TLE4: variants seen among roughly 807,000 people sequenced by gnomAD.
The protein encoded by TLE4 is TLE family member 4, transcriptional corepressor.
In TLE4, 8 loss-of-function variants were observed where a neutral mutation model predicts 92.8. The observed-to-expected ratio is 0.09, with a 90% CI of 0.05 to 0.16. TLE4 has a LOEUF of 0.16. Ranked by LOEUF, TLE4 falls within the 10% of genes least tolerant of loss-of-function variation. TLE4 has a pLI of 1.00. For missense variants in TLE4, 675 were observed against 997.6 expected, an observed-to-expected ratio of 0.68 and a Z score of 4.36; for synonymous variants, 371 against 374.1, an observed-to-expected ratio of 0.99 and a Z score of 0.10.
intron 14 of TLE4, among the ~76,000 whole-genome samples, chr9:79,715,103 G>A (rs2074228949): frequency 6.6e-6 from 1 of 152,180 alleles, no homozygotes; most frequent in Non-Finnish European, 1.5e-5. Context: ...GGTGCTCACA[G>A]AGTGGTTGTT....
chr9:79,621,729 G>C (rs1434158129), intron 5 of TLE4, among the ~76,000 whole-genome samples: 1 of 152,132 alleles, frequency 6.6e-6, no homozygotes, highest in African/African-American at 2.4e-5. Context: ...GATAGGGAGA[G>C]TCTTTTGTTG....
At chr9:79,638,310 T>C (rs1236919822) in intron 6 of TLE4, among the ~76,000 whole-genome samples, 2 of 152,194 alleles carry the variant, frequency 1.3e-5, no homozygotes, top group Non-Finnish European at 2.9e-5. Flanking sequence ...TGATAAGCTC[T>C]ATACTTCTCT....
intron 15 of TLE4, 117 bp from the exon 16 acceptor site, chr9:79,719,929 G>A: frequency 7.6e-7 from 1 of 1,322,420 alleles, no homozygotes; most frequent in South Asian, 1.5e-5. Flanking sequence ...ATTGTCATAA[G>A]TATAAACGGC....
intron 6 of TLE4, among the ~76,000 whole-genome samples, chr9:79,633,572 T>G (rs1488403585): frequency 6.6e-6 from 1 of 151,952 alleles, no homozygotes; most frequent in East Asian, 1.9e-4. Context: ...TCCACAGAGC[T>G]CGGCAGGCTG....
intron 8 of TLE4, among the ~76,000 whole-genome samples, chr9:79,663,160 G>A (rs1453154610): frequency 3.9e-5 from 6 of 152,126 alleles, no homozygotes; most frequent in Non-Finnish European, 7.3e-5. Flanking sequence ...TAGCGGCAAC[G>A]GCAATCATGA....
At chr9:79,610,573 A>G (rs1282458238) in intron 4 of TLE4, among the ~76,000 whole-genome samples, 1 of 152,040 alleles carries the variant, frequency 6.6e-6, no homozygotes, top group African/African-American at 2.4e-5. Flanking sequence ...TAGCCTGACC[A>G]TGAAAATCCA....
intron 8 of TLE4, chr9:79,671,190 AC>A: frequency 8.8e-6 from 4 of 452,218 alleles, no homozygotes; most frequent in South Asian, 6.2e-5. Flanking sequence ...TGAGAATGTG[AC>A]TTTTATGTAT....
chr9:79,583,490 T>C (rs1444942281), intron 4 of TLE4, among the ~76,000 whole-genome samples: 1 of 152,184 alleles, frequency 6.6e-6, no homozygotes, highest in Non-Finnish European at 1.5e-5. Flanking sequence ...CAATACTCTA[T>C]CCCCAACCTG....
chr9:79,601,360 C>G, intron 4 of TLE4: 1 of 456,608 alleles, frequency 2.2e-6, no homozygotes, highest in Middle Eastern at 3.3e-4. Context: ...TATTAATGTG[C>G]TTTAGCTACA....
chr9:79,599,687 T>G (rs569104812), intron 4 of TLE4, among the ~76,000 whole-genome samples: 36 of 152,376 alleles, frequency 2.4e-4, no homozygotes, highest in African/African-American at 8.7e-4. Flanking sequence ...TCATAGTGTG[T>G]GAGGTCGTCT....
At chr9:79,588,752 T>C (rs1296249892) in intron 4 of TLE4, among the ~76,000 whole-genome samples, 1 of 152,204 alleles carries the variant, frequency 6.6e-6, no homozygotes, top group Non-Finnish European at 1.5e-5. Context: ...TGTAAACTTT[T>C]GAGTGCCTGC....
chr9:79,582,609 A>G (rs535442600), intron 4 of TLE4, among the ~76,000 whole-genome samples: 1 of 145,272 alleles, frequency 6.9e-6, no homozygotes, highest in East Asian at 2.0e-4. Context: ...AAATGCATTT[A>G]TAAGTTATTT....
intron 8 of TLE4, among the ~76,000 whole-genome samples, chr9:79,658,503 A>G (rs912841859): frequency 3.3e-5 from 5 of 152,192 alleles, no homozygotes; most frequent in African/African-American, 1.2e-4. Flanking sequence ...AACATCATAC[A>G]TTGCTTTTTT....
rs1588580995 is a variant in TLE4, at chr9:79,715,577, T to C, written c.1341-3145T>C. Among the ~76,000 whole-genome samples the C allele has an allele frequency of 2.0e-5, 3 of 152,146 alleles. No homozygotes were observed. The East Asian group carries it at 5.8e-4, about 29-fold the overall frequency. On this transcript the variant is annotated intron_variant, in intron 14 of 19. Transcript: ENST00000376552. ...TCCAGCCTCTCCATGAACAGAACTT[T>C]TCTACCTGTTGGTGAAAACCTTGCT...
chr9:79,573,972 T>A, intron 2 of TLE4, 186 bp downstream of exon 2: 1 of 397,212 alleles, frequency 2.5e-6, no homozygotes, highest in Non-Finnish European at 4.5e-6. Context: ...AAATTAAACA[T>A]TTCTTCTACC....
At chr9:79,707,233 G>C in intron 11 of TLE4, 1 of 1,601,594 alleles carries the variant, frequency 6.2e-7, no homozygotes. Flanking sequence ...ATTTAGTTTG[G>C]GGCTTGAATG....
At chr9:79,703,167 G>A (rs1461231534) in intron 8 of TLE4, among the ~76,000 whole-genome samples, 1 of 152,060 alleles carries the variant, frequency 6.6e-6, no homozygotes, top group East Asian at 1.9e-4. Flanking sequence ...AGACAGAGAC[G>A]TTCCAGTGGT....
At chr9:79,663,467 T>G (rs1587976525) in intron 8 of TLE4, 1 of 152,264 alleles carries the variant, frequency 6.6e-6, no homozygotes, top group Non-Finnish European at 1.5e-5. Context: ...ACCTTCCCAC[T>G]GCTGCAGAGA....
intron 8 of TLE4, among the ~76,000 whole-genome samples, chr9:79,700,125 G>T (rs773945263): frequency 6.6e-6 from 1 of 152,202 alleles, no homozygotes; most frequent in African/African-American, 2.4e-5. Flanking sequence ...TGTACTTTAT[G>T]TGGATTATTT....
Sources: gnomAD v4.1 joint callset for allele counts (sites outside exome capture counted in the v4.1 genomes callset) on GRCh38, gnomAD v4.1.1 for gene constraint, MANE v1.5 for transcripts, NCBI Gene and HGNC (gene_info 2026-07-23, HGNC 2026-07-21) for gene names.